CCN4: variants seen among roughly 807,000 people sequenced by gnomAD.
CCN4 encodes the protein CCN family member 4.
CCN4 carries 30 observed loss-of-function variants against 36.7 expected under a neutral mutation model. The ratio of observed to expected loss-of-function variants is 0.82; its 90% CI spans 0.61 to 1.11. The LOEUF is 1.11. Among genes scored for constraint, CCN4 ranks in the 50% least tolerant of loss-of-function variants. CCN4 has a pLI of 0.00. For synonymous variants in CCN4, 191 were observed against 195.4 expected, an observed-to-expected ratio of 0.98 and a Z score of 0.19; for missense variants, 505 against 504.9, an observed-to-expected ratio of 1.00 and a Z score of 0.00.
chr8:133,221,216 A>G (rs1445431964), intron 3 of CCN4, among the ~76,000 whole-genome samples: 3 of 152,230 alleles, frequency 2.0e-5, no homozygotes, highest in Non-Finnish European at 2.9e-5. Context: ...TAGAAGCTTC[A>G]TGATGATTTG....
chr8:133,198,305 A>G (rs796131081), intron 1 of CCN4, among the ~76,000 whole-genome samples: 10 of 152,104 alleles, frequency 6.6e-5, no homozygotes, highest in African/African-American at 2.4e-4. Flanking sequence ...GTCCAAAAAT[A>G]TTCTCCTTTC....
chr8:133,214,158 A>ATATAACAGTAGTTATATATAACTAC lies in CCN4; in HGVS notation c.349+1019_349+1020insACAGTAGTTATATATAACTACTATA, dbSNP rs1250050488. ...ATAACAGTAGTTATATATAACTACT[A>ATATAACAGTAGTTATATATAACTAC]TATATATATAATTGCTACTATAAAA... On this transcript the variant is annotated intron_variant, in intron 2 of 4. Coordinates refer to ENST00000250160, the MANE Select transcript of CCN4 (RefSeq NM_003882.4). 1.4e-4 allele frequency among the ~76,000 whole-genome samples: 17 copies of ATATAACAGTAGTTATATATAACTAC among 121,862 alleles called. 2 individuals carry two copies. The highest frequency in any genetic ancestry group is 1.0e-3 in the Admixed American group (13 of 12,950). The allele number at this position is 121,862 out of a possible 152,430, so 79.9% of individuals were successfully genotyped here.
intron 1 of CCN4, among the ~76,000 whole-genome samples, chr8:133,195,591 C>T (rs1277475457): frequency 6.6e-6 from 1 of 152,132 alleles, no homozygotes; most frequent in Non-Finnish European, 1.5e-5. Context: ...AGGGCCCCTC[C>T]AGCCGACAGC....
intron 1 of CCN4, among the ~76,000 whole-genome samples, chr8:133,211,768 T>TGGCTTGCCCAGGAGAGGGAG (rs1281802048): frequency 6.6e-6 from 1 of 152,220 alleles, no homozygotes; most frequent in Non-Finnish European, 1.5e-5. Flanking sequence ...GGATGATCCA[T>TGGCTTGCCCAGGAGAGGGAG]GGCTTGCCCA....
intron 3 of CCN4, among the ~76,000 whole-genome samples, chr8:133,221,971 C>A (rs1310721101): frequency 1.4e-5 from 2 of 146,442 alleles, no homozygotes; most frequent in East Asian, 4.1e-4. Flanking sequence ...GACGAGGGGA[C>A]AGATGGATGG....
intron 1 of CCN4, among the ~76,000 whole-genome samples, chr8:133,196,685 G>A (rs1339849540): frequency 6.6e-6 from 1 of 152,178 alleles, no homozygotes; most frequent in Non-Finnish European, 1.5e-5. Context: ...GATCATCTCT[G>A]TATAAAGGAA....
At chr8:133,214,507 G>GGTTGTTGTTGTTGTTGTT (rs376862240) in intron 2 of CCN4, among the ~76,000 whole-genome samples, 11 of 151,438 alleles carry the variant, frequency 7.3e-5, no homozygotes, top group African/African-American at 2.7e-4. Flanking sequence ...GTTTGGAGGT[G>GGTTGTTGTTGTTGTTGTT]GTTGTTGTTG....
intron 1 of CCN4, among the ~76,000 whole-genome samples, chr8:133,207,289 G>C (rs566673849): frequency 6.6e-6 from 1 of 152,354 alleles, no homozygotes; most frequent in East Asian, 1.9e-4. Flanking sequence ...GGACTTCAGG[G>C]GAGAAGCAGG....
intron 2 of CCN4, among the ~76,000 whole-genome samples, chr8:133,216,128 G>A (rs1321921728): frequency 2.0e-5 from 3 of 152,070 alleles, no homozygotes; most frequent in Non-Finnish European, 4.4e-5. Context: ...GAATTCATGA[G>A]ACCCTAATGC....
intron 1 of CCN4, among the ~76,000 whole-genome samples, chr8:133,198,461 C>T (rs1193687894): frequency 6.6e-6 from 1 of 152,226 alleles, no homozygotes; most frequent in African/African-American, 2.4e-5. Flanking sequence ...TCTCCCTGCT[C>T]TTCCTACACA....
At chr8:133,202,677 G>A (rs1346225852) in intron 1 of CCN4, among the ~76,000 whole-genome samples, 1 of 152,152 alleles carries the variant, frequency 6.6e-6, no homozygotes, top group Non-Finnish European at 1.5e-5. Flanking sequence ...TGGGCAGTGC[G>A]GTGGGGGAAG....
At position 133,220,854 on chromosome 8, in the gene CCN4, C is replaced by A; in HGVS notation, c.610+13C>A. ...ACAGGAGCCTTCGGTGGGTGTGGGC[C>A]CGAGTGGGCTGGGGGTGGGACCCTA... On this transcript the variant is annotated intron_variant, in intron 3 of 4. Coordinates refer to ENST00000250160, the MANE Select transcript of CCN4 (RefSeq NM_003882.4). The A allele has an allele frequency of 1.3e-6, 2 of 1,590,134 alleles. No individual in the cohort carries two copies. Among genetic ancestry groups the A allele is most frequent in the Non-Finnish European group, 1.7e-6 (2 of 1,163,572 alleles).
At chr8:133,215,781 C>T (rs555620627) in intron 2 of CCN4, among the ~76,000 whole-genome samples, 5 of 151,994 alleles carry the variant, frequency 3.3e-5, no homozygotes, top group Non-Finnish European at 7.4e-5. Context: ...TTACGCCTAC[C>T]AGTGGTTCCC....
At chr8:133,204,502 T>C (rs765946974) in intron 1 of CCN4, among the ~76,000 whole-genome samples, 1 of 152,232 alleles carries the variant, frequency 6.6e-6, no homozygotes, top group Non-Finnish European at 1.5e-5. Flanking sequence ...GGGTTGCTGG[T>C]CAAACTGCTA....
At chr8:133,204,450 A>G (rs1034350311) in intron 1 of CCN4, among the ~76,000 whole-genome samples, 19 of 152,228 alleles carry the variant, frequency 1.2e-4, no homozygotes, top group African/African-American at 4.6e-4. Flanking sequence ...TCCCTGCCCA[A>G]TGTTCTAAGG....
At chr8:133,214,423 A>G (rs1444076018) in intron 2 of CCN4, among the ~76,000 whole-genome samples, 1 of 190 alleles carries the variant, frequency 5.3e-3, no homozygotes, top group Non-Finnish European at 0.01. Context: ...CTTCCTTATG[A>G]TGCTTTTGTT....
At chr8:133,196,675 G>A (rs1279331529) in intron 1 of CCN4, among the ~76,000 whole-genome samples, 4 of 152,166 alleles carry the variant, frequency 2.6e-5, no homozygotes, top group Non-Finnish European at 5.9e-5. Context: ...TCTGAGCCAG[G>A]ATCATCTCTG....
Position 133,227,731 on chromosome 8 carries a change from T to C in CCN4, c.*21T>C, listed in dbSNP as rs1488706772. 7 of 1,603,460 alleles carry C rather than the reference T, an allele frequency of 4.4e-6. No individual in the cohort carries two copies. Among genetic ancestry groups the C allele is most frequent in the Middle Eastern group, 3.4e-4 (2 of 5,962 alleles). On this transcript the variant is annotated 3_prime_UTR_variant, in exon 5 of 5. Transcript: ENST00000250160. The stretch of plus-strand genomic sequence containing the variant: ...ACTAGGCAGGCACAAATCTTGGGTC[T>C]TGGGGACTAACCCAATGCCTGTGAA...
chr8:133,196,690 AAGGAATATATTAACATT>A (rs1564250202), intron 1 of CCN4, among the ~76,000 whole-genome samples: 1 of 152,174 alleles, frequency 6.6e-6, no homozygotes, highest in Non-Finnish European at 1.5e-5. Context: ...TCTCTGTATA[AAGGAATATATTAACATT>A]AGTACTATTG....
Sources: allele counts gnomAD v4.1 joint callset (sites outside exome capture counted in the v4.1 genomes callset), GRCh38; gene constraint gnomAD v4.1.1; transcripts MANE v1.5; gene names NCBI Gene and HGNC (gene_info 2026-07-23, HGNC 2026-07-21).